CASQ2: variants seen among roughly 807,000 people sequenced by gnomAD.
CASQ2 encodes calsequestrin-2.
In CASQ2, 49 loss-of-function variants were observed where a neutral mutation model predicts 46.5. The ratio of observed to expected loss-of-function variants is 1.05; its 90% CI spans 0.84 to 1.34. The LOEUF (loss-of-function observed/expected upper bound fraction) is 1.34. Among genes scored for constraint, CASQ2 ranks in the 40% most tolerant of loss-of-function variants. The pLI is 0.00. For missense variants in CASQ2, 486 were observed against 481.3 expected (o/e 1.01, Z -0.09); for synonymous variants, 174 against 168.5 (o/e 1.03, Z -0.25).
chr1:115,743,829 G>A (rs1648283233), intron 2 of CASQ2, among the ~76,000 whole-genome samples: 1 of 151,810 alleles, frequency 6.6e-6, no homozygotes, highest in African/African-American at 2.4e-5. Flanking sequence ...GTACATGTGT[G>A]TCAGTGTTTG....
At chr1:115,705,364 AT>A in intron 8 of CASQ2, 72 bp from the exon 9 acceptor site, 1 of 979,728 alleles carries the variant, frequency 1.0e-6, no homozygotes, top group Non-Finnish European at 1.6e-6. Context: ...GCAGAGTGTG[AT>A]TTTTCCACGA....
intron 1 of CASQ2, among the ~76,000 whole-genome samples, chr1:115,763,046 A>G (rs963975315): frequency 6.6e-6 from 1 of 152,186 alleles, no homozygotes; most frequent in African/African-American, 2.4e-5. Context: ...TCCTTGCCCA[A>G]TGTGAACTTG....
At chr1:115,718,569 C>T (rs1390790961) in intron 7 of CASQ2, among the ~76,000 whole-genome samples, 1 of 152,132 alleles carries the variant, frequency 6.6e-6, no homozygotes, top group Non-Finnish European at 1.5e-5. Context: ...CTCTAGGTGA[C>T]TTCCTTGAAG....
At chr1:115,742,916 G>T (rs1371267299) in intron 2 of CASQ2, among the ~76,000 whole-genome samples, 1 of 152,040 alleles carries the variant, frequency 6.6e-6, no homozygotes, top group Non-Finnish European at 1.5e-5. Context: ...AGCCTCCCGA[G>T]TAGTGGGACT....
chr1:115,716,610 G>A (rs1570806319), intron 8 of CASQ2, among the ~76,000 whole-genome samples: 2 of 152,294 alleles, frequency 1.3e-5, no homozygotes, highest in African/African-American at 2.4e-5. Context: ...CCAGTGCCCA[G>A]TGTACCTTTC....
intron 3 of CASQ2, among the ~76,000 whole-genome samples, chr1:115,738,853 AC>A (rs1344551311): frequency 6.6e-6 from 1 of 151,898 alleles, no homozygotes; most frequent in Non-Finnish European, 1.5e-5. Flanking sequence ...GAGGCTTTGC[AC>A]CCTTTGATCA....
At chr1:115,764,644 C>A (rs1199165672) in intron 1 of CASQ2, among the ~76,000 whole-genome samples, 1 of 152,180 alleles carries the variant, frequency 6.6e-6, no homozygotes, top group East Asian at 1.9e-4. Flanking sequence ...TCTAACATTT[C>A]ATTCATTCAT....
At chr1:115,762,948 C>A (rs757400294) in intron 1 of CASQ2, among the ~76,000 whole-genome samples, 2 of 152,162 alleles carry the variant, frequency 1.3e-5, no homozygotes, top group Admixed American at 6.5e-5. Flanking sequence ...GTTGCTCATG[C>A]CTGGCCAGCT....
intron 9 of CASQ2, among the ~76,000 whole-genome samples, chr1:115,703,560 G>T (rs1654274817): frequency 1.3e-5 from 2 of 152,028 alleles, no homozygotes; most frequent in African/African-American, 4.8e-5. Context: ...TGGGGACTAG[G>T]GATATTCAGG....
chr1:115,714,736 A>T (rs537819146), intron 8 of CASQ2, among the ~76,000 whole-genome samples: 1 of 152,348 alleles, frequency 6.6e-6, no homozygotes, highest in South Asian at 2.1e-4. Context: ...GGACTTTCAC[A>T]GACAAGTCTT....
chr1:115,757,139 T>C (rs1221717441), intron 1 of CASQ2, among the ~76,000 whole-genome samples: 1 of 152,200 alleles, frequency 6.6e-6, no homozygotes, highest in African/African-American at 2.4e-5. Flanking sequence ...GTGAAACCTT[T>C]ATTTCCTTAT....
intron 4 of CASQ2, among the ~76,000 whole-genome samples, chr1:115,737,845 C>T (rs575521759): frequency 9.2e-5 from 14 of 152,314 alleles, no homozygotes; most frequent in African/African-American, 3.4e-4. Context: ...CAATTGACTG[C>T]AAAGCTCTCC....
chr1:115,742,548 C>T (rs568996882), intron 2 of CASQ2, among the ~76,000 whole-genome samples: 41 of 152,292 alleles, frequency 2.7e-4, no homozygotes, highest in African/African-American at 9.4e-4. Context: ...CCAAACTGAG[C>T]TTGTTTCAGT....
Position 115,708,423 on chromosome 1 carries a change from G to A in CASQ2, c.839-3131C>T, listed in dbSNP as rs190287823. On this transcript the variant is annotated intron_variant, in intron 8 of 10. Transcript: ENST00000261448. ...CCCAAATACTTTCAATGACAGAACA[G>A]AGCCCATTCTTCAGGGAGTCAGCCC... 5.9e-3 allele frequency among the ~76,000 whole-genome samples: 905 copies of A among 152,330 alleles called. 6 individuals carry two copies. The highest frequency in any genetic ancestry group is 0.031 in the Middle Eastern group (9 of 294).
At chr1:115,761,559 A>G (rs948647802) in intron 1 of CASQ2, among the ~76,000 whole-genome samples, 1 of 149,790 alleles carries the variant, frequency 6.7e-6, no homozygotes, top group African/African-American at 2.5e-5. Flanking sequence ...AGTCTTGTCA[A>G]TGATGATGCT....
chr1:115,714,681 G>A (rs767139646), intron 8 of CASQ2, among the ~76,000 whole-genome samples: 15 of 152,184 alleles, frequency 9.9e-5, no homozygotes, highest in Non-Finnish European at 1.9e-4. Context: ...TTACACATCA[G>A]TGCTCTGCAG....
At chr1:115,701,532 C>A (rs1223182076) in intron 10 of CASQ2, 106 bp from the exon 11 acceptor site, 1 of 763,502 alleles carries the variant, frequency 1.3e-6, no homozygotes, top group Non-Finnish European at 2.4e-6. Context: ...GACTCTCTTA[C>A]ACTTATTAGG....
intron 5 of CASQ2, among the ~76,000 whole-genome samples, chr1:115,729,368 A>T (rs1458959474): frequency 6.6e-6 from 1 of 151,882 alleles, no homozygotes; most frequent in Non-Finnish European, 1.5e-5. Flanking sequence ...TTTCATTCTT[A>T]TTATTCCTAT....
intron 8 of CASQ2, among the ~76,000 whole-genome samples, chr1:115,709,176 GT>G (rs1297646118): frequency 1.6e-5 from 2 of 128,512 alleles, no homozygotes; most frequent in Non-Finnish European, 3.2e-5. Flanking sequence ...TGCTAAAATT[GT>G]AAGTTACAAG....
Sources: allele counts gnomAD v4.1 joint callset (sites outside exome capture counted in the v4.1 genomes callset), GRCh38; gene constraint gnomAD v4.1.1; transcripts MANE v1.5; gene names NCBI Gene and HGNC (gene_info 2026-07-23, HGNC 2026-07-21).